Variants in HCN1 observed in about 807,000 individuals in gnomAD.
The protein encoded by HCN1 is potassium/sodium hyperpolarization-activated cyclic nucleotide-gated channel 1.
A neutral mutation model predicts 78.9 loss-of-function variants in HCN1; 13 were observed. The observed-to-expected ratio is 0.16, with a 90% confidence interval of 0.11 to 0.26. The LOEUF (loss-of-function observed/expected upper bound fraction) is 0.26, where lower values mean the gene tolerates loss of function less well. Among genes scored for constraint, HCN1 ranks in the 10% least tolerant of loss-of-function variants. The probability of loss-of-function intolerance (pLI) is 1.00; values close to 1 mark genes in which losing one functional copy is unlikely to be tolerated. For synonymous variants in HCN1, 552 were observed against 455.5 expected (o/e 1.21, Z -2.70); for missense variants, 810 against 1,154.3 (o/e 0.70, Z 4.32).
At position 45,396,552 on chromosome 5, in the gene HCN1, G is replaced by A. The variant is rs369683016; in HGVS notation, c.1170C>T (p.Val390=). 4.4e-5 allele frequency: 71 copies of A among 1,613,656 alleles called. No homozygotes were observed. Among genetic ancestry groups the A allele is most frequent in the Middle Eastern group, 3.3e-4 (2 of 6,066 alleles). ...IVGATCYAMF[V]GHATALIQSL... ...ACTGGATTAAAGCGGTGGCATGGCC[G>A]ACAAACATGGCATAGCAGGTGGCCC... Residue 390 remains valine, a synonymous_variant, in exon 4 of 8, where the codon GTC becomes GTT. Coordinates refer to ENST00000303230, the MANE Select transcript of HCN1 (RefSeq NM_021072.4).
intron 4 of HCN1, among the ~76,000 whole-genome samples, chr5:45,390,533 A>C (rs1739531753): frequency 6.6e-6 from 1 of 152,158 alleles, no homozygotes; most frequent in South Asian, 2.1e-4. Context: ...AACTAAATTA[A>C]GGTTTAGTAT....
chr5:45,584,928 G>A (rs1158565687), intron 2 of HCN1, among the ~76,000 whole-genome samples: 1 of 152,128 alleles, frequency 6.6e-6, no homozygotes, highest in Non-Finnish European at 1.5e-5. Flanking sequence ...TCCCTTTGTG[G>A]GTAACCCGAC....
At chr5:45,436,966 T>C (rs954093632) in intron 3 of HCN1, among the ~76,000 whole-genome samples, 1 of 152,196 alleles carries the variant, frequency 6.6e-6, no homozygotes, top group African/African-American at 2.4e-5. Flanking sequence ...CTAGTTTTCC[T>C]AATTATCTAG....
chr5:45,606,759 T>C (rs191692305), intron 2 of HCN1, among the ~76,000 whole-genome samples: 16 of 152,098 alleles, frequency 1.1e-4, no homozygotes, highest in African/African-American at 3.1e-4. Flanking sequence ...AGAGCTCTCA[T>C]AATAGAAATA....
chr5:45,650,450 GAGAA>G (rs1745654443), intron 1 of HCN1, among the ~76,000 whole-genome samples: 1 of 151,920 alleles, frequency 6.6e-6, no homozygotes, highest in African/African-American at 2.4e-5. Context: ...GAAGGGGATG[GAGAA>G]AGAAACTGTT....
intron 4 of HCN1, among the ~76,000 whole-genome samples, chr5:45,388,239 A>T (rs376018213): frequency 7.9e-5 from 12 of 152,164 alleles, no homozygotes; most frequent in African/African-American, 2.6e-4. Context: ...TCCCACCTAA[A>T]TCTCTTCTCT....
intron 3 of HCN1, among the ~76,000 whole-genome samples, chr5:45,407,998 A>C (rs1739958138): frequency 6.6e-6 from 1 of 152,182 alleles, no homozygotes; most frequent in South Asian, 2.1e-4. Context: ...TAAAGAAAAA[A>C]TCAAATAGAA....
intron 6 of HCN1, among the ~76,000 whole-genome samples, chr5:45,281,300 A>T (rs761542160): frequency 1.3e-5 from 2 of 151,540 alleles, no homozygotes; most frequent in Non-Finnish European, 2.9e-5. Context: ...AAACGTGTGT[A>T]TTACTTCCCC....
chr5:45,485,045 C>T (rs1282803472), intron 2 of HCN1, among the ~76,000 whole-genome samples: 4 of 152,196 alleles, frequency 2.6e-5, no homozygotes, highest in Non-Finnish European at 5.9e-5. Flanking sequence ...ATTATCCATA[C>T]ATATGCCCTA....
intron 2 of HCN1, among the ~76,000 whole-genome samples, chr5:45,473,081 T>C (rs1360173664): frequency 6.6e-6 from 1 of 151,938 alleles, no homozygotes; most frequent in Admixed American, 6.6e-5. Context: ...ATCACTTTTT[T>C]CCATATCCAG....
chr5:45,469,784 A>AGT (rs148412684), intron 2 of HCN1, among the ~76,000 whole-genome samples: 15,687 of 148,698 alleles, frequency 0.11, 885 homozygotes, highest in Middle Eastern at 0.16. Flanking sequence ...ATTATAAAGG[A>AGT]GTGTGTGTGT....
At chr5:45,653,728 C>T (rs1053255852) in intron 1 of HCN1, among the ~76,000 whole-genome samples, 1 of 151,866 alleles carries the variant, frequency 6.6e-6, no homozygotes, top group Non-Finnish European at 1.5e-5. Flanking sequence ...AATGAGAACA[C>T]ATGGACACAG....
intron 2 of HCN1, among the ~76,000 whole-genome samples, chr5:45,493,291 C>A (rs1210719062): frequency 6.6e-6 from 1 of 151,672 alleles, no homozygotes; most frequent in Non-Finnish European, 1.5e-5. Flanking sequence ...ATTTCAGTCA[C>A]CAAGAATAAA....
chr5:45,264,911 C>T (rs753835681), intron 7 of HCN1, among the ~76,000 whole-genome samples: 1 of 152,138 alleles, frequency 6.6e-6, no homozygotes, highest in Non-Finnish European at 1.5e-5. Context: ...TAACTGCAGG[C>T]TGGGCGCGGT....
intron 2 of HCN1, among the ~76,000 whole-genome samples, chr5:45,637,490 A>C (rs1745377642): frequency 6.6e-6 from 1 of 151,598 alleles, no homozygotes; most frequent in African/African-American, 2.4e-5. Flanking sequence ...GCCCTTTTGG[A>C]ATCTAATATG....
intron 2 of HCN1, among the ~76,000 whole-genome samples, chr5:45,609,326 C>T (rs1270255830): frequency 6.6e-6 from 1 of 151,944 alleles, no homozygotes; most frequent in Non-Finnish European, 1.5e-5. Context: ...TGCCCATCAA[C>T]AATAAGATAG....
intron 4 of HCN1, among the ~76,000 whole-genome samples, chr5:45,357,075 GT>G (rs1747019099): frequency 6.6e-6 from 1 of 151,906 alleles, no homozygotes; most frequent in African/African-American, 2.4e-5. Context: ...TAGACATTGA[GT>G]TTTTTCTTCA....
intron 4 of HCN1, among the ~76,000 whole-genome samples, chr5:45,379,184 G>A (rs1400549329): frequency 6.6e-6 from 1 of 152,110 alleles, no homozygotes; most frequent in African/African-American, 2.4e-5. Context: ...CTAGATGCTT[G>A]AGGAATCGCC....
intron 2 of HCN1, among the ~76,000 whole-genome samples, chr5:45,472,011 A>G (rs1412734944): frequency 6.6e-6 from 1 of 151,928 alleles, no homozygotes; most frequent in Non-Finnish European, 1.5e-5. Flanking sequence ...CTAGACATTC[A>G]AGAAATCTTT....
Sources: gnomAD v4.1 joint callset for allele counts (sites outside exome capture counted in the v4.1 genomes callset) on GRCh38, gnomAD v4.1.1 for gene constraint, MANE v1.5 for transcripts, NCBI Gene and HGNC (gene_info 2026-07-23, HGNC 2026-07-21) for gene names.